Variants in IL17RD observed in about 807,000 individuals in gnomAD.
The protein encoded by IL17RD is interleukin-17 receptor D.
IL17RD carries 52 observed loss-of-function variants against 80.5 expected under a neutral mutation model. The observed-to-expected ratio is 0.65, with a 90% CI of 0.52 to 0.81. IL17RD has a LOEUF of 0.81. IL17RD is among the 40% of genes least tolerant of loss of function. The probability of loss-of-function intolerance (pLI) is 0.00; values close to 1 mark genes in which losing one functional copy is unlikely to be tolerated. For missense variants in IL17RD, 1,024 were observed against 955.1 expected (o/e 1.07, Z -0.95); for synonymous variants, 416 against 391.8 (o/e 1.06, Z -0.73).
rs574004621 is a variant in IL17RD, at chr3:57,092,897, A to C, written c.*3496T>G. On this transcript the variant is annotated 3_prime_UTR_variant, in exon 13 of 13. Transcript: ENST00000296318. ...TAACAAACTGGTAGTCAGTGGACCA[A>C]ATCAGGTCCATCCATGTCTTCTGCT... The C allele has an allele frequency of 3.3e-5, 5 of 152,326 alleles. No individual in the cohort carries two copies. Among genetic ancestry groups the C allele is most frequent in the African/African-American group, 1.2e-4 (5 of 41,572 alleles). 9.4% of individuals were successfully genotyped at this position (152,326 alleles called of 1,614,324 possible). A position where few individuals can be genotyped will look rare whatever the true frequency, so the allele number is the denominator to read the frequency against.
intron 1 of IL17RD, among the ~76,000 whole-genome samples, chr3:57,161,056 G>A (rs2060301517): frequency 6.6e-6 from 1 of 152,172 alleles, no homozygotes; most frequent in Non-Finnish European, 1.5e-5. Context: ...AGAGAAGGGA[G>A]GGCTGCTCAA....
rs1706716647 is a variant in IL17RD at position 57,097,758 on chromosome 3, T to C, written c.1945A>G (p.Thr649Ala). ...TCCGAGGGGCTGCCGGCTTTCACCGTGTGCAGCAGGGGTTGCAGGGCGGCG... is the reference window on the plus strand; with the variant it reads ...TCCGAGGGGCTGCCGGCTTTCACCGCGTGCAGCAGGGGTTGCAGGGCGGCG... Reference protein sequence around the residue: ...GSAALQPLLHTVKAGSPSDMP... With the variant: ...GSAALQPLLHAVKAGSPSDMP... The change falls in exon 12 of 13, where the codon ACG becomes GCG. Residue 649 changes from threonine to alanine, a missense_variant. Transcript: ENST00000296318. 1 of 1,602,340 alleles carries C rather than the reference T, an allele frequency of 6.2e-7. No homozygotes were observed. The highest frequency in any genetic ancestry group is 1.3e-5 in the African/African-American group (1 of 74,750).
chr3:57,091,460 C>T lies in IL17RD; in HGVS notation c.*4933G>A, dbSNP rs1380338495. ...GTGTGCAAGAATTTCCCCATAATCCCCATCCTGAGCCTCGTCTTCACAAGG... is the reference window on the plus strand; with the variant it reads ...GTGTGCAAGAATTTCCCCATAATCCTCATCCTGAGCCTCGTCTTCACAAGG... On this transcript the variant is annotated 3_prime_UTR_variant, in exon 13 of 13. Coordinates refer to ENST00000296318, the MANE Select transcript of IL17RD (RefSeq NM_017563.5). 1.3e-5 allele frequency: 2 copies of T among 152,524 alleles called. No homozygotes were observed. The highest frequency in any genetic ancestry group is 2.4e-5 in the African/African-American group (1 of 41,380). 9.4% of individuals were successfully genotyped at this position (152,524 alleles called of 1,614,324 possible). A position where few individuals can be genotyped will look rare whatever the true frequency, so the allele number is the denominator to read the frequency against.
At chr3:57,165,093 C>A in intron 1 of IL17RD, 68 bp downstream of exon 1, 4 of 1,405,074 alleles carry the variant, frequency 2.8e-6, no homozygotes, top group Non-Finnish European at 3.7e-6. Context: ...CGCCTCCCCG[C>A]GAGCACCTGT....
At chr3:57,167,814 G>GT (rs1270916016), upstream of IL17RD, among the ~76,000 whole-genome samples, 1 of 152,014 alleles carries the variant, frequency 6.6e-6, no homozygotes, top group Non-Finnish European at 1.5e-5. Context: ...CTATGTATTT[G>GT]TTGGCCATTT....
intron 1 of IL17RD, chr3:57,134,474 G>GAAGATTGATCACCACAC (rs1707678671): frequency 1.1e-6 from 1 of 903,242 alleles, no homozygotes; most frequent in African/African-American, 1.6e-5. Flanking sequence ...GTGAATCTAA[G>GAAGATTGATCACCACAC]AAGATTGATC....
chr3:57,157,274 C>T (rs1018174514), intron 1 of IL17RD, among the ~76,000 whole-genome samples: 26 of 152,168 alleles, frequency 1.7e-4, no homozygotes, highest in South Asian at 4.1e-4. Flanking sequence ...TGAGGAGCAG[C>T]AGAAGCCCGT....
chr3:57,146,809 TGA>T (rs1707940931), intron 1 of IL17RD, among the ~76,000 whole-genome samples: 1 of 145,112 alleles, frequency 6.9e-6, no homozygotes, highest in African/African-American at 2.5e-5. Context: ...CGTGTGTGTG[TGA>T]GAGGTATTCT....
intron 1 of IL17RD, among the ~76,000 whole-genome samples, chr3:57,162,958 C>T (rs957535246): frequency 3.8e-4 from 58 of 152,170 alleles, no homozygotes; most frequent in African/African-American, 1.4e-3. Flanking sequence ...TTAAGATAGG[C>T]AAGGAATTCT....
intron 1 of IL17RD, among the ~76,000 whole-genome samples, chr3:57,163,090 G>A (rs192357815): frequency 8.9e-4 from 135 of 152,312 alleles, no homozygotes; most frequent in Middle Eastern, 3.4e-3. Context: ...GGGTGGGAAT[G>A]CAAAGCATGT....
chr3:57,103,020 A>C, intron 9 of IL17RD, 71 bp downstream of exon 9: 1 of 1,047,002 alleles, frequency 9.6e-7, no homozygotes, highest in South Asian at 1.5e-5. Flanking sequence ...GTAAATCATG[A>C]AGTACAGAGA....
At chr3:57,107,150 G>A (rs868851028) in intron 5 of IL17RD, among the ~76,000 whole-genome samples, 20 of 152,182 alleles carry the variant, frequency 1.3e-4, no homozygotes, top group Admixed American at 7.9e-4. Flanking sequence ...AGGCTGAGGC[G>A]GGTGGATCAT....
At position 57,123,283 on chromosome 3, in the gene IL17RD, G is replaced by A. The variant is rs188951627; in HGVS notation, c.127-2970C>T. Among the ~76,000 whole-genome samples the A allele has an allele frequency of 2.6e-5, 4 of 152,280 alleles. No individual in the cohort carries two copies. The East Asian group carries it at 7.7e-4, about 29-fold the overall frequency. On this transcript the variant is annotated intron_variant, in intron 1 of 12. Transcript: ENST00000296318. ...CTTGACCTCAAGGGGCTCTGGCCAC[G>A]TGCATATCTGCCCTCGCTCCCCTGC...
intron 8 of IL17RD, 44 bp downstream of exon 8, chr3:57,104,298 G>T (rs1230491773): frequency 1.5e-6 from 2 of 1,333,354 alleles, no homozygotes; most frequent in Admixed American, 3.7e-5. Context: ...TATGAACTGG[G>T]TTCATTCTAT....
At chr3:57,110,736 G>A (rs918769909) in intron 3 of IL17RD, among the ~76,000 whole-genome samples, 6 of 152,244 alleles carry the variant, frequency 3.9e-5, no homozygotes, top group African/African-American at 1.4e-4. Flanking sequence ...TTAAGTTTTA[G>A]CTCTACATTT....
intron 1 of IL17RD, among the ~76,000 whole-genome samples, chr3:57,161,506 T>C (rs1035881148): frequency 6.6e-6 from 1 of 152,244 alleles, no homozygotes; most frequent in African/African-American, 2.4e-5. Context: ...GCCAGCATCC[T>C]GGCTTCCCGA....
At chr3:57,138,541 T>C (rs1204186471) in intron 1 of IL17RD, among the ~76,000 whole-genome samples, 1 of 152,146 alleles carries the variant, frequency 6.6e-6, no homozygotes, top group Non-Finnish European at 1.5e-5. Context: ...ATAGCAGGAC[T>C]TGGTGACAAA....
chr3:57,169,845 C>CT (rs202212010), upstream of IL17RD, among the ~76,000 whole-genome samples: 1 of 151,824 alleles, frequency 6.6e-6, no homozygotes, highest in East Asian at 1.9e-4. Context: ...CCCTGAGACC[C>CT]CACAAGACTG....
At chr3:57,163,793 C>CGG (rs1304017874) in intron 1 of IL17RD, among the ~76,000 whole-genome samples, 8 of 21,708 alleles carry the variant, frequency 3.7e-4, no homozygotes, top group Non-Finnish European at 4.4e-4. Context: ...GGCGGGGGGG[C>CGG]GGGGGGGGAA....
Sources: allele counts gnomAD v4.1 joint callset (sites outside exome capture counted in the v4.1 genomes callset), GRCh38; gene constraint gnomAD v4.1.1; transcripts MANE v1.5; gene names NCBI Gene and HGNC (gene_info 2026-07-23, HGNC 2026-07-21).